RBFOX1: variants seen among roughly 807,000 people sequenced by gnomAD.
RBFOX1 encodes the protein RNA binding protein fox-1 homolog 1.
RBFOX1 carries 8 observed loss-of-function variants against 57.7 expected under a neutral mutation model. The ratio of observed to expected loss-of-function variants is 0.14; its 90% confidence interval spans 0.08 to 0.25. The LOEUF (loss-of-function observed/expected upper bound fraction) is 0.25. RBFOX1 is among the 10% of genes least tolerant of loss of function. The pLI is 1.00. For missense variants in RBFOX1, 611 were observed against 548.5 expected (o/e 1.11, Z -1.14); for synonymous variants, 326 against 222.4 (o/e 1.47, Z -4.15).
chr16:7,128,982 A>C, intron 4 of RBFOX1, among the ~76,000 whole-genome samples: 1 of 151,826 alleles, frequency 6.6e-6, no homozygotes, highest in South Asian at 2.1e-4. Flanking sequence ...CACCACGCCC[A>C]GTTAATTTTT....
At chr16:6,230,129 C>G (rs530311671) in intron 1 of RBFOX1, among the ~76,000 whole-genome samples, 25 of 152,072 alleles carry the variant, frequency 1.6e-4, no homozygotes, top group Middle Eastern at 3.4e-3. Flanking sequence ...AAGACTTTAT[C>G]GCAGAGAGCA....
chr16:5,883,305 G>A (rs1213488367), intron 4 of RBFOX1, among the ~76,000 whole-genome samples: 1 of 152,028 alleles, frequency 6.6e-6, no homozygotes, highest in Admixed American at 6.6e-5. Flanking sequence ...GTTAAAATCA[G>A]AAAAATCTCT....
chr16:6,167,966 A>C (rs940409143), intron 1 of RBFOX1, among the ~76,000 whole-genome samples: 4 of 152,216 alleles, frequency 2.6e-5, no homozygotes, highest in African/African-American at 9.6e-5. Flanking sequence ...CACCCATGGC[A>C]AAATCCAATT....
chr16:7,029,067 TATATATATATATATAC>T (rs1355425958), intron 3 of RBFOX1, among the ~76,000 whole-genome samples: 13 of 34,676 alleles, frequency 3.7e-4, no homozygotes, highest in African/African-American at 1.9e-3. Context: ...TATATATATA[TATATATATATATATAC>T]ACACACACAC....
chr16:6,301,520 T>G (rs936590192), intron 1 of RBFOX1, among the ~76,000 whole-genome samples: 7 of 152,140 alleles, frequency 4.6e-5, no homozygotes, highest in Non-Finnish European at 1.0e-4. Flanking sequence ...TTTCCGGAGA[T>G]GTGAGTAAAA....
rs115669195 is a variant in RBFOX1, at chr16:5,403,002, G to A, written c.220-64214G>A. ...GATTTTATACTGTGTCCCAACATGTGCATGCATGCATGCACACACGTATAC... is the reference window on the plus strand; with the variant it reads ...GATTTTATACTGTGTCCCAACATGTACATGCATGCATGCACACACGTATAC... On this transcript the variant is annotated intron_variant, in intron 1 of 2. Transcript: ENST00000585867. 3.0e-3 allele frequency among the ~76,000 whole-genome samples: 455 copies of A among 152,124 alleles called. 4 individuals are homozygous for A. Among genetic ancestry groups the A allele is most frequent in the African/African-American group, 0.01 (432 of 41,452 alleles).
rs904685250 is a variant in RBFOX1 at position 5,946,401 on chromosome 16, A to G, written c.351+79066A>G. Among the ~76,000 whole-genome samples, 1 of 152,208 alleles carries G rather than the reference A, an allele frequency of 6.6e-6. No individual in the cohort carries two copies. Among genetic ancestry groups the G allele is most frequent in the Non-Finnish European group, 1.5e-5 (1 of 68,030 alleles). ...GCTCATGGATGTTTATCAAACACCA[A>G]CCAAGTGCCGGATGCACTACTCTAT... On this transcript the variant is annotated intron_variant, in intron 4 of 19. Coordinates refer to the RBFOX1 transcript ENST00000641259. This position sits in a 1 kb window ranked among gnomAD's most constrained non-coding sequence, Gnocchi z 4.6.
intron 3 of RBFOX1, among the ~76,000 whole-genome samples, chr16:6,677,317 CT>C (rs1394669641): frequency 3.3e-5 from 5 of 152,104 alleles, no homozygotes; most frequent in Non-Finnish European, 5.9e-5. Flanking sequence ...CCTTAAGGCC[CT>C]TTTGTAACAC....
rs560245381 is a variant in RBFOX1 at position 6,488,350 on chromosome 16, T to C, written c.-63-166253T>C. On this transcript the variant is annotated intron_variant, in intron 2 of 15. Transcript: ENST00000550418. Reference sequence around the variant, plus strand: ...TGTAAGTACAGGTCTTCCATTTGTATTAAAATGATGAGGATGAGGATGTGA... The same window carrying C: ...TGTAAGTACAGGTCTTCCATTTGTACTAAAATGATGAGGATGAGGATGTGA... 3.9e-5 allele frequency among the ~76,000 whole-genome samples: 6 copies of C among 152,290 alleles called. 1 individual carries two copies. In the South Asian group the frequency reaches 1.2e-3, roughly 32 times the overall value.
intron 3 of RBFOX1, among the ~76,000 whole-genome samples, chr16:6,809,987 C>G (rs886935786): frequency 6.6e-6 from 1 of 150,826 alleles, no homozygotes; most frequent in East Asian, 2.0e-4. Context: ...AGAGCTTGTT[C>G]TCCTGGGTGT....
At chr16:6,359,944 G>GTC (rs2088127617) in intron 2 of RBFOX1, among the ~76,000 whole-genome samples, 1 of 152,152 alleles carries the variant, frequency 6.6e-6, no homozygotes, top group African/African-American at 2.4e-5. Flanking sequence ...TGTGATCTAT[G>GTC]TCCTCCGTGA....
chr16:7,029,970 G>T (rs1160178964), intron 3 of RBFOX1, among the ~76,000 whole-genome samples: 1 of 152,204 alleles, frequency 6.6e-6, no homozygotes, highest in Non-Finnish European at 1.5e-5. Context: ...ATTCCAGCAA[G>T]ACAGTCAACA....
chr16:6,498,426 A>C (rs11644135), intron 2 of RBFOX1, among the ~76,000 whole-genome samples: 1 of 152,038 alleles, frequency 6.6e-6, no homozygotes, highest in Admixed American at 6.6e-5. Context: ...CTGAAAGAGA[A>C]GACAGACCAG....
intron 14 of RBFOX1, among the ~76,000 whole-genome samples, chr16:7,698,757 C>A (rs1251268531): frequency 6.6e-6 from 1 of 152,078 alleles, no homozygotes; most frequent in African/African-American, 2.4e-5. Context: ...AGGGAAAGTA[C>A]AGGGAGCTAA....
chr16:7,204,250 C>G lies in RBFOX1; in HGVS notation c.27+152152C>G, dbSNP rs138015480. Among the ~76,000 whole-genome samples the G allele has an allele frequency of 1.1e-3, 169 of 152,326 alleles. 1 individual carries two copies. Among genetic ancestry groups the G allele is most frequent in the African/African-American group, 3.9e-3 (162 of 41,580 alleles). ...ATCTCTTGCCTCTATCTCAGGCCCACCCTAAACTTGCAGCATCACTCAAGG... is the reference window on the plus strand; with the variant it reads ...ATCTCTTGCCTCTATCTCAGGCCCAGCCTAAACTTGCAGCATCACTCAAGG... On this transcript the variant is annotated intron_variant, in intron 4 of 15. Transcript: ENST00000550418.
chr16:5,912,196 GT>G (rs1409170499), intron 4 of RBFOX1, among the ~76,000 whole-genome samples: 2 of 152,106 alleles, frequency 1.3e-5, no homozygotes, highest in African/African-American at 4.8e-5. Context: ...CTGAGCCTCA[GT>G]TTTTTCATCC....
At chr16:7,130,102 G>A (rs1431281919) in intron 4 of RBFOX1, among the ~76,000 whole-genome samples, 2 of 147,386 alleles carry the variant, frequency 1.4e-5, no homozygotes, top group South Asian at 4.3e-4. Flanking sequence ...GCGAGATCTT[G>A]GCCCACTGCA....
intron 1 of RBFOX1, among the ~76,000 whole-genome samples, chr16:6,094,007 A>T (rs2096212530): frequency 6.6e-6 from 1 of 152,194 alleles, no homozygotes; most frequent in South Asian, 2.1e-4. Context: ...TTTTTTAGGT[A>T]ATCTGTGTTC....
chr16:6,697,413 AG>A (rs1241164909), intron 3 of RBFOX1, among the ~76,000 whole-genome samples: 8 of 152,306 alleles, frequency 5.3e-5, no homozygotes, highest in African/African-American at 1.7e-4. Flanking sequence ...TCAACATAAA[AG>A]GGAAATATAC....
Sources: gnomAD v4.1 joint callset for allele counts (sites outside exome capture counted in the v4.1 genomes callset) on GRCh38, gnomAD v4.1.1 for gene constraint, Gnocchi (gnomAD v3.1) non-coding constraint, MANE v1.5 for transcripts, NCBI Gene and HGNC (gene_info 2026-07-23, HGNC 2026-07-21) for gene names.